NAALADL2: variants seen among roughly 807,000 people sequenced by gnomAD.
The protein encoded by NAALADL2 is inactive N-acetylated-alpha-linked acidic dipeptidase-like protein 2.
In NAALADL2, 76 loss-of-function variants were observed where a neutral mutation model predicts 87.2. The ratio of observed to expected loss-of-function variants is 0.87; its 90% confidence interval spans 0.72 to 1.05. The LOEUF (loss-of-function observed/expected upper bound fraction) is 1.05, where lower values mean the gene tolerates loss of function less well. Among genes scored for constraint, NAALADL2 ranks in the 50% least tolerant of loss-of-function variants. The pLI, the probability that NAALADL2 is intolerant of heterozygous loss-of-function variation, is 0.00. For missense variants in NAALADL2, 1,089 were observed against 945.8 expected (o/e 1.15, Z -1.99); for synonymous variants, 354 against 331.0 (o/e 1.07, Z -0.75).
In NAALADL2 at chr3:175,132,894, G is replaced by A. The variant is rs974358707; in HGVS notation, c.545+35603G>A. Among the ~76,000 whole-genome samples, 76 of 151,688 alleles carry A rather than the reference G, an allele frequency of 5.0e-4. 1 individual carries two copies. Among genetic ancestry groups the A allele is most frequent in the African/African-American group, 1.7e-3 (72 of 41,360 alleles). On this transcript the variant is annotated intron_variant, in intron 2 of 13. Coordinates refer to ENST00000454872, the MANE Select transcript of NAALADL2 (RefSeq NM_207015.3). ...GGGCTCCTCACTTCTCAGATGGGGC[G>A]GCTGCCGGGCGGAGGGACTCCTCAC... is the stretch of plus-strand genomic sequence containing the variant.
chr3:174,966,961 C>G (rs1742964712), intron 1 of NAALADL2, among the ~76,000 whole-genome samples: 1 of 152,196 alleles, frequency 6.6e-6, no homozygotes, highest in African/African-American at 2.4e-5. Flanking sequence ...TAAGTGTTAT[C>G]ACAGAAAGTA....
intron 2 of NAALADL2, among the ~76,000 whole-genome samples, chr3:174,588,236 G>A (rs545355619): frequency 6.6e-6 from 1 of 152,090 alleles, no homozygotes. Flanking sequence ...TCATTAAGGT[G>A]TTCTCTATGC....
intron 1 of NAALADL2, among the ~76,000 whole-genome samples, chr3:175,033,172 G>A (rs1752990904): frequency 6.6e-6 from 1 of 151,966 alleles, no homozygotes; most frequent in Admixed American, 6.6e-5. Context: ...GGATGTTAAT[G>A]GCTCTGATGA....
intron 3 of NAALADL2, among the ~76,000 whole-genome samples, chr3:175,239,385 C>T (rs1746444372): frequency 6.6e-6 from 1 of 152,098 alleles, no homozygotes; most frequent in Non-Finnish European, 1.5e-5. Context: ...AATGTCTAGT[C>T]AATTTTATTA....
At chr3:174,588,764 A>T (rs1472359765) in intron 2 of NAALADL2, among the ~76,000 whole-genome samples, 1 of 152,142 alleles carries the variant, frequency 6.6e-6, no homozygotes, top group Non-Finnish European at 1.5e-5. Context: ...GCACCTGGCC[A>T]TATGAAGTGT....
intron 3 of NAALADL2, among the ~76,000 whole-genome samples, chr3:174,849,112 T>C (rs1362892742): frequency 6.6e-6 from 1 of 152,194 alleles, no homozygotes; most frequent in African/African-American, 2.4e-5. Context: ...GAAGTTGTTC[T>C]GCGTGAGTCA....
At chr3:174,824,070 T>G (rs1236274291) in intron 3 of NAALADL2, among the ~76,000 whole-genome samples, 1 of 152,212 alleles carries the variant, frequency 6.6e-6, no homozygotes, top group East Asian at 1.9e-4. Context: ...GTAATCACCA[T>G]GCTAACTTAA....
At chr3:174,581,505 A>T (rs1175786123) in intron 2 of NAALADL2, among the ~76,000 whole-genome samples, 1 of 152,184 alleles carries the variant, frequency 6.6e-6, no homozygotes, top group Non-Finnish European at 1.5e-5. Flanking sequence ...TTATCACTGG[A>T]ACACAAATAC....
intron 2 of NAALADL2, among the ~76,000 whole-genome samples, chr3:175,221,666 A>G (rs1028865123): frequency 2.8e-4 from 42 of 152,268 alleles, no homozygotes; most frequent in Middle Eastern, 3.4e-3. Flanking sequence ...TTTATTTAAT[A>G]ACTCAACCAC....
intron 5 of NAALADL2, among the ~76,000 whole-genome samples, chr3:175,398,338 C>T: frequency 7.3e-6 from 1 of 136,354 alleles, no homozygotes. Flanking sequence ...AGTGATGCTT[C>T]TGCTACTTTT....
At chr3:174,988,769 A>G (rs74396413) in intron 1 of NAALADL2, among the ~76,000 whole-genome samples, 13,540 of 152,208 alleles carry the variant, frequency 0.089, 1,396 homozygotes, top group African/African-American at 0.25. Context: ...GTCAAATTGC[A>G]TTAGGAACTG....
At chr3:175,190,995 A>AAG (rs1553806082) in intron 2 of NAALADL2, among the ~76,000 whole-genome samples, 24 of 151,360 alleles carry the variant, frequency 1.6e-4, no homozygotes, top group African/African-American at 5.3e-4. Flanking sequence ...AAAAAAAAAA[A>AAG]AAAGAAAAAG....
intron 2 of NAALADL2, among the ~76,000 whole-genome samples, chr3:175,127,891 A>G (rs1407891297): frequency 6.6e-6 from 1 of 152,194 alleles, no homozygotes; most frequent in Admixed American, 6.5e-5. Context: ...AAGACACGTG[A>G]TATAAAAATG....
intron 11 of NAALADL2, among the ~76,000 whole-genome samples, chr3:175,677,521 C>T (rs189371092): frequency 7.2e-6 from 1 of 138,876 alleles, no homozygotes; most frequent in East Asian, 2.2e-4. Flanking sequence ...GTGTGTGTCT[C>T]GTTTATAGTG....
At chr3:175,553,873 A>G (rs540309095) in intron 9 of NAALADL2, among the ~76,000 whole-genome samples, 1 of 152,256 alleles carries the variant, frequency 6.6e-6, no homozygotes, top group East Asian at 1.9e-4. Flanking sequence ...TCTACCAGCC[A>G]TATTATTACA....
At chr3:175,104,670 A>G (rs1406044590) in intron 2 of NAALADL2, among the ~76,000 whole-genome samples, 1 of 152,200 alleles carries the variant, frequency 6.6e-6, no homozygotes, top group African/African-American at 2.4e-5. Flanking sequence ...TATTTTAATT[A>G]GAGAAAAACA....
At chr3:174,519,880 A>C (rs552387916) in intron 1 of NAALADL2, among the ~76,000 whole-genome samples, 56 of 152,310 alleles carry the variant, frequency 3.7e-4, no homozygotes, top group African/African-American at 1.2e-3. Context: ...CCCACAGCCA[A>C]CATCATACTG....
chr3:175,576,136 T>A lies in NAALADL2; in HGVS notation c.1749T>A (p.His583Gln), dbSNP rs187119672. The A allele has an allele frequency of 8.6e-5, 138 of 1,613,856 alleles. No individual in the cohort carries two copies. The Admixed American group carries it at 1.6e-3, about 18-fold the overall frequency. ...GTGATGCTGATTATTTCATCAACCA[T>A]CTTGGAGTTCCCATCGTGCAGTTTG... ...IQGDADYFIN[H>Q]LGVPIVQFAY... is the part of the protein sequence containing the mutation. Residue 583 changes from histidine to glutamine, a missense_variant, in exon 10 of 14, where the codon CAT (histidine) becomes CAA (glutamine). Physicochemically the swap from His to Gln is conservative, Grantham distance 24. Transcript: ENST00000454872.
At chr3:174,953,284 A>T (rs1740646038) in intron 1 of NAALADL2, among the ~76,000 whole-genome samples, 1 of 128,288 alleles carries the variant, frequency 7.8e-6, no homozygotes, top group African/African-American at 3.0e-5. Flanking sequence ...CTTAGGACCC[A>T]ATCTTTCTTG....
Sources: gnomAD v4.1 joint callset for allele counts (sites outside exome capture counted in the v4.1 genomes callset) on GRCh38, gnomAD v4.1.1 for gene constraint, MANE v1.5 for transcripts, NCBI Gene and HGNC (gene_info 2026-07-23, HGNC 2026-07-21) for gene names.